SEC22C: variants seen among roughly 807,000 people sequenced by gnomAD.
SEC22C encodes vesicle-trafficking protein SEC22c.
A neutral mutation model predicts 34.7 loss-of-function variants in SEC22C; 29 were observed. That is an observed-to-expected ratio of 0.84 (90% CI 0.62 to 1.14). The LOEUF (loss-of-function observed/expected upper bound fraction) is 1.14. SEC22C is among the 50% of genes most tolerant of loss of function. SEC22C has a pLI of 0.00. For synonymous variants in SEC22C, 117 were observed against 132.8 expected, an observed-to-expected ratio of 0.88 and a Z score of 0.82; for missense variants, 337 against 369.0, an observed-to-expected ratio of 0.91 and a Z score of 0.71.
chr3:42,562,926 T>TA (rs1163087316), intron 3 of SEC22C, among the ~76,000 whole-genome samples: 2 of 152,144 alleles, frequency 1.3e-5, no homozygotes, highest in Admixed American at 1.3e-4. Context: ...TATTTTGCTT[T>TA]AAAAAAAGCA....
intron 1 of SEC22C, among the ~76,000 whole-genome samples, chr3:42,595,787 T>C (rs967828627): frequency 6.6e-6 from 1 of 152,292 alleles, no homozygotes; most frequent in African/African-American, 2.4e-5. Context: ...GTAAAATACA[T>C]GTAAATAGTG....
rs1408019820 is a variant in SEC22C at position 42,561,212 on chromosome 3, T to G, written c.431A>C (p.Glu144Ala). The change falls in exon 4 of 7, where the codon GAG (glutamate) becomes GCG (alanine). Residue 144 changes from glutamate (E) to alanine (A), a missense_variant. Physicochemically the swap from Glu to Ala is moderately radical, Grantham distance 107 (BLOSUM62 -1). Transcript: ENST00000264454. ...AACCGCTGGAGGCTGCAACTTGAGC[T>G]CCTCCTGAATTTTTTCCAAGCTGCA... ...MECSLEKIQE[E>A]LKLQPPAVLT... 2.5e-6 allele frequency: 4 copies of G among 1,613,978 alleles called. No homozygotes were observed. Among genetic ancestry groups the G allele is most frequent in the African/African-American group, 2.7e-5 (2 of 74,886 alleles).
chr3:42,576,954 G>A (rs1235254594), intron 1 of SEC22C, among the ~76,000 whole-genome samples: 1 of 152,064 alleles, frequency 6.6e-6, no homozygotes, highest in African/African-American at 2.4e-5. Flanking sequence ...ACAGAATACA[G>A]AACCCAAAAA....
chr3:42,590,280 T>C (rs1704773055), intron 1 of SEC22C, among the ~76,000 whole-genome samples: 1 of 152,116 alleles, frequency 6.6e-6, no homozygotes, highest in Non-Finnish European at 1.5e-5. Flanking sequence ...CACAGAGTGA[T>C]GTAGAGAGGA....
chr3:42,562,496 G>A (rs1702983222), intron 3 of SEC22C, among the ~76,000 whole-genome samples: 1 of 152,162 alleles, frequency 6.6e-6, no homozygotes, highest in African/African-American at 2.4e-5. Context: ...ACCAAAAGAG[G>A]GTGCTAGCCC....
intron 1 of SEC22C, among the ~76,000 whole-genome samples, chr3:42,569,716 T>C (rs1294827639): frequency 6.6e-6 from 1 of 152,216 alleles, no homozygotes; most frequent in African/African-American, 2.4e-5. Flanking sequence ...AATCCCTACA[T>C]ATGGCTAAAG....
At chr3:42,601,070 C>G (rs1308817738) in exon 1 of SEC22C, 4 of 1,565,290 alleles carry the variant, frequency 2.6e-6, no homozygotes, top group Admixed American at 1.9e-5. Flanking sequence ...GCCGGGTGAG[C>G]TGGAAACTGG....
rs1702131269 is a variant in SEC22C at position 42,549,202 on chromosome 3, T to C, written c.*4046A>G. On this transcript the variant is annotated 3_prime_UTR_variant, in exon 7 of 7. Transcript: ENST00000264454. ...TGTGCAATATTCTACACGAAAACAT[T>C]TGGAATGTGAGCAATGTCTGAACAG... 2.0e-6 allele frequency: 2 copies of C among 986,738 alleles called. No individual in the cohort carries two copies. Among genetic ancestry groups the C allele is most frequent in the Non-Finnish European group, 2.4e-6 (2 of 830,770 alleles). The allele number at this position is 986,738 out of a possible 1,614,324, so 61.1% of individuals were successfully genotyped here.
intron 1 of SEC22C, chr3:42,587,262 A>G (rs1704643324): frequency 6.6e-6 from 1 of 152,214 alleles, no homozygotes. Context: ...AGAGTACAGA[A>G]TCTGGACACC....
Position 42,549,657 on chromosome 3 carries a change from A to G in SEC22C, c.*3591T>C. ...ACTCTGAAGCTCGTCTACCCACCCC[A>G]TTTGTTACAATTAAAGATGGTTTTC... is the stretch of plus-strand genomic sequence containing the variant. On this transcript the variant is annotated 3_prime_UTR_variant, in exon 7 of 7. Coordinates refer to ENST00000264454, the MANE Select transcript of SEC22C (RefSeq NM_032970.4). The G allele has an allele frequency of 1.0e-6, 1 of 985,286 alleles. No individual in the cohort carries two copies. The highest frequency in any genetic ancestry group is 1.2e-6 in the Non-Finnish European group (1 of 829,932). The allele number at this position is 985,286 out of a possible 1,614,324, so 61.0% of individuals were successfully genotyped here.
upstream of SEC22C, among the ~76,000 whole-genome samples, chr3:42,585,352 C>G (rs972480380): frequency 1.3e-5 from 2 of 152,214 alleles, no homozygotes; most frequent in Non-Finnish European, 2.9e-5. Flanking sequence ...GGTTCACAGT[C>G]AACTCCAGAG....
intron 1 of SEC22C, chr3:42,573,306 A>C (rs1394143643): frequency 6.6e-6 from 1 of 152,270 alleles, no homozygotes; most frequent in East Asian, 1.9e-4. Flanking sequence ...CAGGTGGGTC[A>C]CTTGAGGTCA....
intron 1 of SEC22C, among the ~76,000 whole-genome samples, chr3:42,571,264 T>A (rs924423896): frequency 6.6e-6 from 1 of 152,220 alleles, no homozygotes; most frequent in African/African-American, 2.4e-5. Flanking sequence ...CTCCATCCTA[T>A]CCTTTGGTGA....
chr3:42,596,055 G>A (rs1705019813), intron 1 of SEC22C, among the ~76,000 whole-genome samples: 1 of 151,674 alleles, frequency 6.6e-6, no homozygotes, highest in Non-Finnish European at 1.5e-5. Flanking sequence ...TTTTGAGACG[G>A]AATCTCGCTC....
Position 42,554,590 on chromosome 3 carries a change from T to C in SEC22C, c.712-1142A>G, listed in dbSNP as rs1577291053. 2.0e-5 allele frequency among the ~76,000 whole-genome samples: 3 copies of C among 152,322 alleles called. No homozygotes were observed. In the South Asian group the frequency reaches 6.2e-4, roughly 32 times the overall value. On this transcript the variant is annotated intron_variant, in intron 6 of 6. Transcript: ENST00000264454. ...CCTGGCCTCAAGTGATCCACACATC[T>C]TGGCCTCCCAAAGTGCTAGGATTAC...
chr3:42,589,845 C>T (rs1190660608), intron 1 of SEC22C, among the ~76,000 whole-genome samples: 1 of 152,198 alleles, frequency 6.6e-6, no homozygotes, highest in African/African-American at 2.4e-5. Context: ...AAGACTACAA[C>T]CAATTCAGTT....
intron 4 of SEC22C, among the ~76,000 whole-genome samples, chr3:42,560,114 C>A (rs1056550100): frequency 2.6e-5 from 3 of 114,616 alleles, no homozygotes; most frequent in African/African-American, 4.0e-5. Context: ...CTCTCTCTCT[C>A]TCTCTCTATA....
chr3:42,593,638 A>G (rs1186947763), intron 1 of SEC22C, among the ~76,000 whole-genome samples: 1 of 152,084 alleles, frequency 6.6e-6, no homozygotes, highest in Non-Finnish European at 1.5e-5. Context: ...CCATAGTAAA[A>G]CAGATACCAG....
chr3:42,571,605 G>A (rs982258724), intron 1 of SEC22C, among the ~76,000 whole-genome samples: 1 of 152,096 alleles, frequency 6.6e-6, no homozygotes, highest in Non-Finnish European at 1.5e-5. Flanking sequence ...CTAAAAGATG[G>A]AAAAATAATA....
Sources: allele counts gnomAD v4.1 joint callset (sites outside exome capture counted in the v4.1 genomes callset), GRCh38; gene constraint gnomAD v4.1.1; transcripts MANE v1.5; gene names NCBI Gene and HGNC (gene_info 2026-07-23, HGNC 2026-07-21).